Variants in GATC observed in about 807,000 individuals in gnomAD.
GATC encodes glutamyl-tRNA(Gln) amidotransferase subunit C, mitochondrial.
In GATC, 11 loss-of-function variants were observed where a neutral mutation model predicts 14.4. The observed-to-expected ratio is 0.77, with a 90% CI of 0.48 to 1.27. The LOEUF is 1.27. Ranked by LOEUF, GATC falls within the 50% of genes most tolerant of loss-of-function variation. The probability of loss-of-function intolerance (pLI) is 0.00; values close to 1 mark genes in which losing one functional copy is unlikely to be tolerated. For missense variants in GATC, 204 were observed against 183.0 expected, an observed-to-expected ratio of 1.11 and a Z score of -0.66; for synonymous variants, 76 against 79.3, an observed-to-expected ratio of 0.96 and a Z score of 0.22.
At chr12:120,456,065 C>T (rs961926830) in intron 2 of GATC, among the ~76,000 whole-genome samples, 1 of 152,210 alleles carries the variant, frequency 6.6e-6, no homozygotes, top group African/African-American at 2.4e-5. Flanking sequence ...ACTCAAACGC[C>T]ATTAGGGTCT....
chr12:120,460,793 CAGG>C lies in GATC; in HGVS notation c.*837_*839del, dbSNP rs777907039. Reference sequence around the variant, plus strand: ...GGCTGAGACGGGCGGATCACAAGGTCAGGAGATCAAGACCATCCTGGCTAATGC... The same window carrying C: ...GGCTGAGACGGGCGGATCACAAGGTCAGATCAAGACCATCCTGGCTAATGC... On this transcript the variant is annotated 3_prime_UTR_variant, in exon 4 of 4. Transcript: ENST00000551765. The C allele has an allele frequency of 2.6e-5, 4 of 152,072 alleles. No individual in the cohort carries two copies. The highest frequency in any genetic ancestry group is 5.9e-5 in the Non-Finnish European group (4 of 68,024). The allele number at this position is 152,072 out of a possible 1,614,324, so 9.4% of individuals were successfully genotyped here.
At chr12:120,451,875 CTTTTT>C (rs1170221029) in intron 2 of GATC, among the ~76,000 whole-genome samples, 2 of 90,790 alleles carry the variant, frequency 2.2e-5, no homozygotes, top group Non-Finnish European at 4.5e-5. Context: ...TATATAAATT[CTTTTT>C]TTTTTTTTTT....
At chr12:120,459,215 G>A (rs908225073) in intron 3 of GATC, among the ~76,000 whole-genome samples, 11 of 152,140 alleles carry the variant, frequency 7.2e-5, no homozygotes, top group Non-Finnish European at 4.4e-5. Flanking sequence ...TAACTGTGGA[G>A]AGAAAGGAGA....
chr12:120,463,463 C>T lies in GATC; in HGVS notation c.*3504C>T, dbSNP rs7027. On this transcript the variant is annotated 3_prime_UTR_variant, in exon 4 of 4. Transcript: ENST00000551765. Reference sequence around the variant, plus strand: ...TAAAAAAGAAAATGTCATGATAGCTCAGGTTTCAGAGAGGATGCTGCACTA... The same window carrying T: ...TAAAAAAGAAAATGTCATGATAGCTTAGGTTTCAGAGAGGATGCTGCACTA... 28,070 of 152,158 alleles carry T rather than the reference C, an allele frequency of 0.18. 3,788 individuals are homozygous for T. The highest frequency in any genetic ancestry group is 0.38 in the African/African-American group (15,875 of 41,392). 9.4% of individuals were successfully genotyped at this position (152,158 alleles called of 1,614,324 possible). A position where few individuals can be genotyped will look rare whatever the true frequency, so the allele number is the denominator to read the frequency against.
At chr12:120,453,717 C>T (rs1271598357) in intron 2 of GATC, among the ~76,000 whole-genome samples, 1 of 151,814 alleles carries the variant, frequency 6.6e-6, no homozygotes, top group African/African-American at 2.4e-5. Flanking sequence ...TATGGTGGTG[C>T]ACACCTGTAA....
chr12:120,453,516 G>A (rs1184484168), intron 2 of GATC, among the ~76,000 whole-genome samples: 1 of 152,108 alleles, frequency 6.6e-6, no homozygotes, highest in Non-Finnish European at 1.5e-5. Context: ...ACCCTGATTG[G>A]GAAAGACAGG....
chr12:120,462,340 C>A lies in GATC; in HGVS notation c.*2381C>A, dbSNP rs1031156844. 7.4e-6 allele frequency: 4 copies of A among 543,774 alleles called. No homozygotes were observed. The highest frequency in any genetic ancestry group is 9.0e-6 in the Non-Finnish European group (3 of 332,570). The allele number at this position is 543,774 out of a possible 1,614,324, so 33.7% of individuals were successfully genotyped here. ...ATTATGAGGTAGGTACTCTTACTAT[C>A]CCATTTCAAGAATGAAGAAAATTAA... On this transcript the variant is annotated 3_prime_UTR_variant, in exon 4 of 4. Coordinates refer to ENST00000551765, the MANE Select transcript of GATC (RefSeq NM_176818.3).
intron 2 of GATC, among the ~76,000 whole-genome samples, chr12:120,455,208 G>A (rs1477424722): frequency 1.4e-5 from 2 of 147,786 alleles, no homozygotes; most frequent in South Asian, 2.1e-4. Context: ...TTGCTCTGTC[G>A]CCCAGGCTTG....
chr12:120,459,822 A>G (rs1354037902), intron 3 of GATC, 85 bp from the exon 4 acceptor site: 1 of 984,538 alleles, frequency 1.0e-6, no homozygotes, highest in African/African-American at 1.6e-5. Flanking sequence ...GCGCCACTGC[A>G]CTCCAGCCTG....
intron 2 of GATC, among the ~76,000 whole-genome samples, chr12:120,451,369 G>A (rs1878038436): frequency 6.7e-6 from 1 of 150,086 alleles, no homozygotes; most frequent in Non-Finnish European, 1.5e-5. Flanking sequence ...GGTTGAACCA[G>A]GACGGCAGAG....
At chr12:120,451,895 T>TTTTTTTTTTTTTG (rs1878062112) in intron 2 of GATC, among the ~76,000 whole-genome samples, 1 of 143,986 alleles carries the variant, frequency 6.9e-6, no homozygotes, top group African/African-American at 2.6e-5. Flanking sequence ...TTTTTTTTTT[T>TTTTTTTTTTTTTG]GAGCTGGAGT....
chr12:120,446,790 C>G lies in GATC; in HGVS notation c.215C>G (p.Thr72Arg). 1 of 1,613,786 alleles carries G rather than the reference C, an allele frequency of 6.2e-7. No individual in the cohort carries two copies. Among genetic ancestry groups the G allele is most frequent in the Non-Finnish European group, 8.5e-7 (1 of 1,179,956 alleles). Residue 72 changes from threonine (T) to arginine (R), a missense_variant, in exon 2 of 4, where the codon ACA becomes AGA. Transcript: ENST00000551765. Reference protein sequence around the residue: ...AFADRLRAVDTDGVEPMESVL... With the variant: ...AFADRLRAVDRDGVEPMESVL... ...GCCGACCGGCTACGCGCCGTGGACA[C>G]AGACGGGGTGGAGCCCATGGAATCG...
chr12:120,458,846 G>A (rs1387890140), intron 3 of GATC, among the ~76,000 whole-genome samples: 2 of 152,180 alleles, frequency 1.3e-5, no homozygotes, highest in African/African-American at 4.8e-5. Context: ...AAGAAAGCTA[G>A]AAATTTTGTG....
In GATC at chr12:120,454,982, C is replaced by T. The variant is rs147382939; in HGVS notation, c.255-2094C>T. On this transcript the variant is annotated intron_variant, in intron 2 of 3. Transcript: ENST00000551765. ...CGCTCACTACAAACTCTGCTTCCTACATTCAAGTGATTCTTGTGCCTCAGC... is the reference window on the plus strand; with the variant it reads ...CGCTCACTACAAACTCTGCTTCCTATATTCAAGTGATTCTTGTGCCTCAGC... 4.5e-4 allele frequency: 204 copies of T among 452,114 alleles called. 1 individual carries two copies. The highest frequency in any genetic ancestry group is 3.6e-3 in the African/African-American group (181 of 50,042). 28.0% of individuals were successfully genotyped at this position (452,114 alleles called of 1,614,324 possible).
chr12:120,446,850 C>T (rs753541449), intron 2 of GATC, 21 bp downstream of exon 2: 11 of 1,576,726 alleles, frequency 7.0e-6, no homozygotes, highest in Non-Finnish European at 8.6e-6. Flanking sequence ...GGCTGCAGCC[C>T]CGAAGCCTTG....
At chr12:120,457,485 C>T (rs988532087) in intron 3 of GATC, among the ~76,000 whole-genome samples, 2 of 151,248 alleles carry the variant, frequency 1.3e-5, no homozygotes, top group African/African-American at 2.4e-5. Flanking sequence ...CAGTTAAGAC[C>T]CTGCCAGATC....
chr12:120,459,404 T>C (rs1228083164), intron 3 of GATC, among the ~76,000 whole-genome samples: 4 of 152,192 alleles, frequency 2.6e-5, no homozygotes, highest in Non-Finnish European at 5.9e-5. Context: ...GTATACTCCT[T>C]ACTGAAAAAG....
chr12:120,459,077 GTCTC>G (rs1032603970), intron 3 of GATC, among the ~76,000 whole-genome samples: 1 of 152,020 alleles, frequency 6.6e-6, no homozygotes, highest in Non-Finnish European at 1.5e-5. Flanking sequence ...AGCCAGGATG[GTCTC>G]TCTCTCCTGA....
intron 2 of GATC, among the ~76,000 whole-genome samples, chr12:120,447,052 CTTTGTTTTTTTTTTTGTTTGTTTGT>C (rs1253065897): frequency 1.3e-5 from 1 of 74,510 alleles, no homozygotes; most frequent in Non-Finnish European, 2.5e-5. Context: ...TAATCACTGC[CTTTGTTTTTTTTTTTGTTTGTTTGT>C]TTTGTTTTTT....
Sources: gnomAD v4.1 joint callset for allele counts (sites outside exome capture counted in the v4.1 genomes callset) on GRCh38, gnomAD v4.1.1 for gene constraint, MANE v1.5 for transcripts, NCBI Gene and HGNC (gene_info 2026-07-23, HGNC 2026-07-21) for gene names.